The following ASTN2 variants were observed in gnomAD, a reference collection of about 807,000 sequenced individuals.
ASTN2 encodes astrotactin-2.
In ASTN2, 54 loss-of-function variants were observed where a neutral mutation model predicts 139.8. The observed-to-expected ratio is 0.39, with a 90% confidence interval of 0.31 to 0.48. The LOEUF is 0.48. ASTN2 is among the 20% of genes least tolerant of loss of function. The pLI is 0.95. For synonymous variants in ASTN2, 756 were observed against 719.5 expected (o/e 1.05, Z -0.81); for missense variants, 1,565 against 1,725.1 (o/e 0.91, Z 1.64).
intron 2 of ASTN2, among the ~76,000 whole-genome samples, chr9:117,229,736 C>T (rs1470773445): frequency 6.6e-6 from 1 of 152,168 alleles, no homozygotes; most frequent in Non-Finnish European, 1.5e-5. Flanking sequence ...GAACAACTAG[C>T]CTGGGTTCCT....
At chr9:116,545,038 C>G (rs978505598) in intron 19 of ASTN2, among the ~76,000 whole-genome samples, 3 of 152,204 alleles carry the variant, frequency 2.0e-5, no homozygotes, top group Non-Finnish European at 4.4e-5. Context: ...CCTCCTCAGC[C>G]TTGGGACAGT....
At position 116,789,848 on chromosome 9, in the gene ASTN2, T is replaced by C. The variant is rs1196604909; in HGVS notation, c.2396+15784A>G. On this transcript the variant is annotated intron_variant, in intron 13 of 22. Coordinates refer to ENST00000313400, the MANE Select transcript of ASTN2 (RefSeq NM_001365068.1). Reference sequence around the variant, plus strand: ...AAGTGGTATCTCACAGATCCCTGGATTCATGTTGAGGAAAATGTCACTAAT... The same window carrying C: ...AAGTGGTATCTCACAGATCCCTGGACTCATGTTGAGGAAAATGTCACTAAT... Among the ~76,000 whole-genome samples the C allele has an allele frequency of 3.3e-5, 5 of 152,098 alleles. No individual in the cohort carries two copies. In the East Asian group the frequency reaches 7.7e-4, roughly 24 times the overall value.
chr9:117,147,176 T>C (rs2132871063), intron 3 of ASTN2, among the ~76,000 whole-genome samples: 1 of 152,234 alleles, frequency 6.6e-6, no homozygotes, highest in East Asian at 1.9e-4. Context: ...GCACTACACA[T>C]TATGTCTACA....
intron 16 of ASTN2, among the ~76,000 whole-genome samples, chr9:116,702,768 A>C (rs16933840): frequency 0.086 from 13,109 of 152,168 alleles, 1,880 homozygotes; most frequent in African/African-American, 0.3. Flanking sequence ...TCCCTTTATC[A>C]TTCTGAGTGG....
At chr9:116,753,844 G>C (rs1347027584) in intron 13 of ASTN2, among the ~76,000 whole-genome samples, 1 of 151,506 alleles carries the variant, frequency 6.6e-6, no homozygotes, top group Non-Finnish European at 1.5e-5. Context: ...GAACGTGCAG[G>C]TTTGTTACAT....
intron 5 of ASTN2, among the ~76,000 whole-genome samples, chr9:117,041,312 A>C (rs889105049): frequency 1.3e-5 from 2 of 151,940 alleles, no homozygotes; most frequent in Non-Finnish European, 2.9e-5. Context: ...TCTCCTGGAT[A>C]TCTTTCTGTG....
At position 116,429,274 on chromosome 9, in the gene ASTN2, G is replaced by T. The variant is rs146492073; in HGVS notation, c.3783-3186C>A. Among the ~76,000 whole-genome samples the T allele has an allele frequency of 8.2e-4, 121 of 147,968 alleles. No individual in the cohort carries two copies. In the East Asian group the frequency reaches 0.02, roughly 24 times the overall value. ...GAATTGCTTGAACCCAGGAGGTGGAGGTTGCAGTGAGCCAAGATCGTGCCA... is the reference window on the plus strand; with the variant it reads ...GAATTGCTTGAACCCAGGAGGTGGATGTTGCAGTGAGCCAAGATCGTGCCA... On this transcript the variant is annotated intron_variant, in intron 22 of 22. Transcript: ENST00000313400.
chr9:117,223,574 T>C (rs1045048440), intron 2 of ASTN2, among the ~76,000 whole-genome samples: 3 of 152,186 alleles, frequency 2.0e-5, no homozygotes, highest in Admixed American at 6.5e-5. Flanking sequence ...GAGGGACCTA[T>C]CTATCTACGT....
At chr9:117,329,514 T>A (rs753207176) in intron 1 of ASTN2, among the ~76,000 whole-genome samples, 10 of 152,088 alleles carry the variant, frequency 6.6e-5, no homozygotes, top group African/African-American at 9.7e-5. Flanking sequence ...TTCACATGGA[T>A]TCAGGGGCCC....
chr9:116,492,715 C>A (rs2119106996), intron 19 of ASTN2, among the ~76,000 whole-genome samples: 1 of 152,338 alleles, frequency 6.6e-6, no homozygotes, highest in East Asian at 1.9e-4. Context: ...TGGGCAATTA[C>A]TACGCACCAG....
chr9:117,362,609 T>C (rs1404280617), intron 1 of ASTN2, among the ~76,000 whole-genome samples: 1 of 152,142 alleles, frequency 6.6e-6, no homozygotes, highest in African/African-American at 2.4e-5. Flanking sequence ...TCCTGGCTCC[T>C]TCAGGATGGC....
intron 20 of ASTN2, among the ~76,000 whole-genome samples, chr9:116,467,266 G>GAGAA (rs2118995074): frequency 6.6e-6 from 1 of 151,528 alleles, no homozygotes; most frequent in South Asian, 2.1e-4. Flanking sequence ...GAGAGAGAGA[G>GAGAA]TCCTTTTTTT....
intron 16 of ASTN2, among the ~76,000 whole-genome samples, chr9:116,655,390 TA>T (rs762059175): frequency 3.9e-5 from 6 of 152,234 alleles, no homozygotes; most frequent in Non-Finnish European, 8.8e-5. Context: ...CCTCTTAGGT[TA>T]AAGACCAAAA....
chr9:116,955,038 G>A (rs1434582065), intron 10 of ASTN2, among the ~76,000 whole-genome samples: 1 of 152,246 alleles, frequency 6.6e-6, no homozygotes, highest in Non-Finnish European at 1.5e-5. Context: ...ACTTTTGGCA[G>A]AATGAGAAGG....
intron 13 of ASTN2, among the ~76,000 whole-genome samples, chr9:116,762,610 A>G (rs984555748): frequency 1.3e-5 from 2 of 152,230 alleles, no homozygotes; most frequent in African/African-American, 4.8e-5. Flanking sequence ...CTGGAAAAAA[A>G]TTAAAAGGTA....
intron 10 of ASTN2, among the ~76,000 whole-genome samples, chr9:116,902,676 T>C (rs572885334): frequency 1.3e-5 from 2 of 152,224 alleles, no homozygotes; most frequent in South Asian, 4.1e-4. Flanking sequence ...TCAGAAGATA[T>C]CCCTGTTGTT....
chr9:116,576,104 T>C (rs1458442692), intron 19 of ASTN2, among the ~76,000 whole-genome samples: 1 of 152,190 alleles, frequency 6.6e-6, no homozygotes, highest in Admixed American at 6.5e-5. Flanking sequence ...TGGCCTCACT[T>C]TGAACTCTCC....
At chr9:116,783,743 G>A (rs540578490) in intron 13 of ASTN2, among the ~76,000 whole-genome samples, 79 of 152,200 alleles carry the variant, frequency 5.2e-4, no homozygotes, top group African/African-American at 1.8e-3. Context: ...GAAGGAAGGC[G>A]AAATATAGGG....
chr9:116,681,572 T>A (rs1859869737), intron 16 of ASTN2, among the ~76,000 whole-genome samples: 1 of 152,184 alleles, frequency 6.6e-6, no homozygotes, highest in African/African-American at 2.4e-5. Flanking sequence ...GCCAAGTCAA[T>A]CCTAAGCCAA....
Sources: allele counts gnomAD v4.1 joint callset (sites outside exome capture counted in the v4.1 genomes callset), GRCh38; gene constraint gnomAD v4.1.1; transcripts MANE v1.5; gene names NCBI Gene and HGNC (gene_info 2026-07-23, HGNC 2026-07-21).